The following HS3ST1 variants were observed in gnomAD, a reference collection of about 807,000 sequenced individuals.
The protein encoded by HS3ST1 is heparan sulfate glucosamine 3-O-sulfotransferase 1.
HS3ST1 carries 8 observed loss-of-function variants against 20.7 expected under a neutral mutation model. That is an observed-to-expected ratio of 0.39 (90% CI 0.23 to 0.70). The LOEUF (loss-of-function observed/expected upper bound fraction) is 0.70. Among genes scored for constraint, HS3ST1 ranks in the 30% least tolerant of loss-of-function variants. The pLI is 0.46. For synonymous variants in HS3ST1, 205 were observed against 190.4 expected (o/e 1.08, Z -0.63); for missense variants, 436 against 423.4 (o/e 1.03, Z -0.26).
intron 1 of HS3ST1, among the ~76,000 whole-genome samples, chr4:11,420,388 G>A (rs964938933): frequency 6.6e-6 from 1 of 152,162 alleles, no homozygotes; most frequent in Non-Finnish European, 1.5e-5. Flanking sequence ...TCTATTTGGG[G>A]GGAGCGAGTC....
At chr4:11,409,918 G>A (rs1718573912) in intron 1 of HS3ST1, among the ~76,000 whole-genome samples, 1 of 152,226 alleles carries the variant, frequency 6.6e-6, no homozygotes, top group Admixed American at 6.5e-5. Flanking sequence ...GATATTGTCA[G>A]AGACCAGGGA....
At chr4:11,412,001 G>A (rs1315614164) in intron 1 of HS3ST1, among the ~76,000 whole-genome samples, 4 of 152,206 alleles carry the variant, frequency 2.6e-5, no homozygotes, top group Admixed American at 2.0e-4. Context: ...CAAAGGAGGT[G>A]TGACTGTGTG....
At position 11,399,506 on chromosome 4, in the gene HS3ST1, T is replaced by G. The variant is rs1374765360; in HGVS notation, c.500A>C (p.Lys167Thr). Residue 167 changes from lysine to threonine, a missense_variant, in exon 2 of 2, where the codon AAG becomes ACG. Lys to Thr is a moderately conservative substitution (Grantham distance 78). Transcript: ENST00000002596. The surrounding 1 kb of genome is among the most constrained non-coding windows in gnomAD (Gnocchi z 5.1). ...CTCGATGGACGGGTAGGGCTTGTGCTTCTGCATGTGGTTGTAGAACACTTG... is the reference window on the plus strand; with the variant it reads ...CTCGATGGACGGGTAGGGCTTGTGCGTCTGCATGTGGTTGTAGAACACTTG... ...YTQVFYNHMQ[K>T]HKPYPSIEEF... The G allele has an allele frequency of 6.2e-7, 1 of 1,614,048 alleles. No individual in the cohort carries two copies. The highest frequency in any genetic ancestry group is 8.5e-7 in the Non-Finnish European group (1 of 1,180,032).
intron 1 of HS3ST1, among the ~76,000 whole-genome samples, chr4:11,400,561 C>A (rs977140892): frequency 6.6e-6 from 1 of 152,122 alleles, no homozygotes; most frequent in Non-Finnish European, 1.5e-5. Context: ...GCATGCTAAC[C>A]CTTGCTATAA....
intron 1 of HS3ST1, among the ~76,000 whole-genome samples, chr4:11,427,435 T>G (rs1051141151): frequency 1.3e-5 from 2 of 152,180 alleles, no homozygotes; most frequent in Non-Finnish European, 2.9e-5. Flanking sequence ...CGCCACTCCT[T>G]GAGGCTGCTC....
rs1175985564 is a variant in HS3ST1 at position 11,393,505 on chromosome 4, TA to T, written c.*5576del. The T allele has an allele frequency of 6.6e-6, 1 of 152,226 alleles. No homozygotes were observed. Among genetic ancestry groups the T allele is most frequent in the East Asian group, 1.9e-4 (1 of 5,198 alleles). 9.4% of individuals were successfully genotyped at this position (152,226 alleles called of 1,614,324 possible). A position where few individuals can be genotyped will look rare whatever the true frequency, so the allele number is the denominator to read the frequency against. On this transcript the variant is annotated 3_prime_UTR_variant, in exon 2 of 2. Transcript: ENST00000002596. ...AAACATGCATGCAAGGTTAAGACTT[TA>T]GAGTGGATGGTCTAGAAGCAAAGTC...
rs188613278 is a variant in HS3ST1, at chr4:11,398,412, G to C, written c.*670C>G. On this transcript the variant is annotated 3_prime_UTR_variant, in exon 2 of 2. Transcript: ENST00000002596. ...TTTATTATAACTGCTGAGATCAGAA[G>C]CATGTGCAAATATTCTTTGAGGTCA... The C allele has an allele frequency of 1.3e-5, 2 of 152,342 alleles. No individual in the cohort carries two copies. The highest frequency in any genetic ancestry group is 2.9e-5 in the Non-Finnish European group (2 of 68,044). The allele number at this position is 152,342 out of a possible 1,614,324, so 9.4% of individuals were successfully genotyped here. A position where few individuals can be genotyped will look rare whatever the true frequency, so the allele number is the denominator to read the frequency against.
At chr4:11,419,362 G>A (rs567810917) in intron 1 of HS3ST1, among the ~76,000 whole-genome samples, 1 of 152,208 alleles carries the variant, frequency 6.6e-6, no homozygotes, top group South Asian at 2.1e-4. Flanking sequence ...ACTCTCCCAT[G>A]AATATGATGC....
intron 1 of HS3ST1, among the ~76,000 whole-genome samples, chr4:11,407,680 C>A (rs1718507057): frequency 6.6e-6 from 1 of 152,230 alleles, no homozygotes; most frequent in South Asian, 2.1e-4. Flanking sequence ...TGAGAGGTAA[C>A]TAAAGATTTC....
chr4:11,417,086 A>T (rs1161942852), intron 1 of HS3ST1, among the ~76,000 whole-genome samples: 1 of 152,170 alleles, frequency 6.6e-6, no homozygotes, highest in Non-Finnish European at 1.5e-5. Context: ...AGGCTTAATA[A>T]ATTAGAATGT....
intron 1 of HS3ST1, among the ~76,000 whole-genome samples, chr4:11,404,165 T>C (rs548120874): frequency 1.1e-3 from 160 of 152,244 alleles, no homozygotes; most frequent in African/African-American, 3.8e-3. Context: ...GTGCCTCAGC[T>C]TCCCAAGTAG....
At chr4:11,414,533 T>G (rs1005869225) in intron 1 of HS3ST1, among the ~76,000 whole-genome samples, 12 of 152,148 alleles carry the variant, frequency 7.9e-5, no homozygotes, top group Admixed American at 7.2e-4. Context: ...CTTGGTGAAG[T>G]CAGTCCCATT....
intron 1 of HS3ST1, among the ~76,000 whole-genome samples, chr4:11,424,357 T>C (rs922424610): frequency 6.6e-6 from 1 of 152,218 alleles, no homozygotes; most frequent in Non-Finnish European, 1.5e-5. Flanking sequence ...CACATAACTA[T>C]TGACAAACTA....
intron 1 of HS3ST1, among the ~76,000 whole-genome samples, chr4:11,408,255 TA>T (rs1386493144): frequency 6.6e-6 from 1 of 152,060 alleles, no homozygotes; most frequent in Non-Finnish European, 1.5e-5. Context: ...GAGGATTAAA[TA>T]AAAAAGTACA....
intron 1 of HS3ST1, among the ~76,000 whole-genome samples, chr4:11,412,948 C>T (rs1037007168): frequency 1.3e-5 from 2 of 152,196 alleles, no homozygotes; most frequent in South Asian, 4.1e-4. Flanking sequence ...ATGGTATTAG[C>T]GCCCTTCTAA....
intron 1 of HS3ST1, among the ~76,000 whole-genome samples, chr4:11,422,767 A>G (rs1718970434): frequency 6.6e-6 from 1 of 152,152 alleles, no homozygotes; most frequent in Non-Finnish European, 1.5e-5. Flanking sequence ...GCAAAATGAA[A>G]TTTTATAATA....
chr4:11,423,645 A>G (rs1244646347), intron 1 of HS3ST1, among the ~76,000 whole-genome samples: 1 of 152,190 alleles, frequency 6.6e-6, no homozygotes, highest in East Asian at 1.9e-4. Context: ...GGTGAGCAGA[A>G]CAATATGCGG....
chr4:11,427,313 G>T (rs1448968030), intron 1 of HS3ST1, among the ~76,000 whole-genome samples: 1 of 152,204 alleles, frequency 6.6e-6, no homozygotes, highest in African/African-American at 2.4e-5. Context: ...CTCTTCCGGG[G>T]CTACTGGCGG....
At chr4:11,415,091 A>G (rs1286516312) in intron 1 of HS3ST1, among the ~76,000 whole-genome samples, 2 of 152,222 alleles carry the variant, frequency 1.3e-5, no homozygotes, top group Admixed American at 1.3e-4. Flanking sequence ...TGGGATGAGG[A>G]AATTTGGAAT....
Sources: gnomAD v4.1 joint callset for allele counts (sites outside exome capture counted in the v4.1 genomes callset) on GRCh38, gnomAD v4.1.1 for gene constraint, Gnocchi (gnomAD v3.1) non-coding constraint, MANE v1.5 for transcripts, NCBI Gene and HGNC (gene_info 2026-07-23, HGNC 2026-07-21) for gene names.